SYCE1L: variants seen among roughly 807,000 people sequenced by gnomAD.
SYCE1L encodes the protein synaptonemal complex central element protein 1 like.
Under a neutral mutation model 39.6 loss-of-function variants are expected in SYCE1L, and 51 were observed. That is an observed-to-expected ratio of 1.29 (90% CI 1.03 to 1.63). SYCE1L has a LOEUF of 1.63. Among genes scored for constraint, SYCE1L ranks in the 40% most tolerant of loss-of-function variants. The probability of loss-of-function intolerance (pLI) is 0.00; values close to 1 mark genes in which losing one functional copy is unlikely to be tolerated. For missense variants in SYCE1L, 426 were observed against 304.9 expected, an observed-to-expected ratio of 1.40 and a Z score of -2.96; for synonymous variants, 147 against 122.4, an observed-to-expected ratio of 1.20 and a Z score of -1.33.
At chr16:77,208,146 G>A (rs947258923) in intron 2 of SYCE1L, 64 bp from the exon 3 acceptor site, 18 of 1,476,368 alleles carry the variant, frequency 1.2e-5, no homozygotes, top group South Asian at 2.5e-5. Context: ...GTGCTTCTCC[G>A]TCTGCCTTGG....
chr16:77,212,639 A>G lies in SYCE1L; in HGVS notation c.647A>G (p.Glu216Gly), dbSNP rs949648701. ...AGCGCCCCCGAGGTCGGGGCCGGCG[A>G]GGGAGAGGTAGGGAGCCCGAGGAAG... ...VRSAPEVGAG[E>G]GEAGPELPRA... Residue 216 changes from glutamate to glycine, a missense_variant, in exon 10 of 11, where the codon GAG becomes GGG. By Grantham distance (98) the Glu-to-Gly change is moderately conservative (BLOSUM62 -2). Coordinates refer to ENST00000378644, the MANE Select transcript of SYCE1L (RefSeq NM_001129979.3). 8.2e-5 allele frequency: 126 copies of G among 1,532,386 alleles called. No homozygotes were observed. Among genetic ancestry groups the G allele is most frequent in the Non-Finnish European group, 1.0e-4 (116 of 1,145,320 alleles). 94.9% of individuals were successfully genotyped at this position (1,532,386 alleles called of 1,614,324 possible).
chr16:77,203,795 A>T (rs996066388), intron 1 of SYCE1L, among the ~76,000 whole-genome samples: 1 of 152,016 alleles, frequency 6.6e-6, no homozygotes, highest in Non-Finnish European at 1.5e-5. Flanking sequence ...GGGTTTTGCC[A>T]CGTTGGCCAA....
intron 1 of SYCE1L, 72 bp from the exon 2 acceptor site, chr16:77,206,369 G>A: frequency 7.1e-7 from 1 of 1,400,700 alleles, no homozygotes; most frequent in Non-Finnish European, 9.9e-7. Context: ...AGCCCACTGG[G>A]ACTTCCTGCC....
At chr16:77,200,748 A>G (rs1305811278) in intron 1 of SYCE1L, 1 of 2,796 alleles carries the variant, frequency 3.6e-4, no homozygotes, top group African/African-American at 7.4e-4. Flanking sequence ...AGAGTGAGCA[A>G]AAAAAAAAAA....
rs1226702620 is a variant in SYCE1L, at chr16:77,212,865, T to C, written c.663T>C (p.Pro221=). Residue 221 remains proline (P), a synonymous_variant, in exon 11 of 11, where the codon CCT becomes CCC. Coordinates refer to ENST00000378644, the MANE Select transcript of SYCE1L (RefSeq NM_001129979.3). ...CACCCAGCCCCCGGCAGGCCGGACC[T>C]GAGCTCCCCCGCGCTCGCGACGAGG... is the stretch of plus-strand genomic sequence containing the variant. ...EVGAGEGEAG[P]ELPRARDEED... 1 of 1,516,404 alleles carries C rather than the reference T, an allele frequency of 6.6e-7. No individual in the cohort carries two copies. The highest frequency in any genetic ancestry group is 8.8e-7 in the Non-Finnish European group (1 of 1,134,114). 93.9% of individuals were successfully genotyped at this position (1,516,404 alleles called of 1,614,324 possible). A position where few individuals can be genotyped will look rare whatever the true frequency, so the allele number is the denominator to read the frequency against.
Position 77,212,882 on chromosome 16 carries a change from G to A in SYCE1L, c.680G>A (p.Arg227His). ...GEAGPELPRA[R>H]DEEDPEPPVA... ...GCCGGACCTGAGCTCCCCCGCGCTC[G>A]CGACGAGGAGGATCCCGAGCCGCCG... The change falls in exon 11 of 11, where the codon CGC becomes CAC. Residue 227 changes from arginine (R) to histidine (H), a missense_variant. By Grantham distance (29) the Arg-to-His change is conservative. Transcript: ENST00000378644. 1 of 1,523,986 alleles carries A rather than the reference G, an allele frequency of 6.6e-7. No individual in the cohort carries two copies. Among genetic ancestry groups the A allele is most frequent in the Non-Finnish European group, 8.8e-7 (1 of 1,137,896 alleles). The allele number at this position is 1,523,986 out of a possible 1,614,324, so 94.4% of individuals were successfully genotyped here. A position where few individuals can be genotyped will look rare whatever the true frequency, so the allele number is the denominator to read the frequency against.
At chr16:77,206,323 A>C in intron 1 of SYCE1L, 118 bp from the exon 2 acceptor site, 1 of 824,976 alleles carries the variant, frequency 1.2e-6, no homozygotes, top group Non-Finnish European at 1.9e-6. Flanking sequence ...CCTGTCTGTC[A>C]TTCCATCCTT....
Position 77,213,114 on chromosome 16 carries a change from C to G in SYCE1L, c.*183C>G, listed in dbSNP as rs1009932273. On this transcript the variant is annotated 3_prime_UTR_variant, in exon 11 of 11. Coordinates refer to ENST00000378644, the MANE Select transcript of SYCE1L (RefSeq NM_001129979.3). Reference sequence around the variant, plus strand: ...CCTCCCACCAGTCGAGCCCCGGGCGCCGTACAGAGGCTGGGTAAATGCTCC... The same window carrying G: ...CCTCCCACCAGTCGAGCCCCGGGCGGCGTACAGAGGCTGGGTAAATGCTCC... 1.1e-5 allele frequency: 6 copies of G among 537,720 alleles called. No homozygotes were observed. The highest frequency in any genetic ancestry group is 2.0e-5 in the African/African-American group (1 of 51,082). The allele number at this position is 537,720 out of a possible 1,614,324, so 33.3% of individuals were successfully genotyped here.
intron 6 of SYCE1L, among the ~76,000 whole-genome samples, chr16:77,210,017 C>T (rs2054811583): frequency 1.3e-5 from 2 of 152,192 alleles, no homozygotes; most frequent in South Asian, 4.1e-4. Context: ...GACATCTACC[C>T]TTCCTTTTAG....
Position 77,199,416 on chromosome 16 carries a change from T to G in SYCE1L, c.-36T>G, listed in dbSNP as rs1376277050. 4.5e-6 allele frequency: 7 copies of G among 1,549,330 alleles called. No individual in the cohort carries two copies. Among genetic ancestry groups the G allele is most frequent in the Admixed American group, 2.0e-5 (1 of 50,814 alleles). Reference sequence around the variant, plus strand: ...ACGTGGTTTCTTTTTTAACCAGTCATCAAGCGAGGCTCGCGCGCAGGCCCC... The same window carrying G: ...ACGTGGTTTCTTTTTTAACCAGTCAGCAAGCGAGGCTCGCGCGCAGGCCCC... On this transcript the variant is annotated 5_prime_UTR_variant, in exon 1 of 11. Transcript: ENST00000378644.
intron 1 of SYCE1L, among the ~76,000 whole-genome samples, chr16:77,203,292 C>G (rs1487828465): frequency 6.6e-6 from 1 of 152,046 alleles, no homozygotes; most frequent in African/African-American, 2.4e-5. Context: ...TGAGGGGAGA[C>G]TTTTCCTTTT....
chr16:77,211,122 T>A, intron 6 of SYCE1L, 91 bp from the exon 7 acceptor site: 5 of 1,388,526 alleles, frequency 3.6e-6, no homozygotes, highest in Non-Finnish European at 5.0e-6. Flanking sequence ...AGAGGGAGCA[T>A]GGGCAGGATC....
At chr16:77,203,050 G>C (rs370170080) in intron 1 of SYCE1L, among the ~76,000 whole-genome samples, 2 of 152,164 alleles carry the variant, frequency 1.3e-5, no homozygotes, top group Non-Finnish European at 2.9e-5. Context: ...CTTGTTCAAA[G>C]TGATTGTATC....
At chr16:77,205,433 A>AATATATATAT (rs145238524) in intron 1 of SYCE1L, among the ~76,000 whole-genome samples, 22 of 145,262 alleles carry the variant, frequency 1.5e-4, no homozygotes, top group African/African-American at 5.5e-4. Flanking sequence ...CATAGAAGTA[A>AATATATATAT]ATATATATAT....
At chr16:77,204,893 AAATT>A (rs2054774356) in intron 1 of SYCE1L, among the ~76,000 whole-genome samples, 1 of 151,850 alleles carries the variant, frequency 6.6e-6, no homozygotes, top group African/African-American at 2.4e-5. Context: ...AAAATACAAA[AAATT>A]AACCAGGTGA....
At chr16:77,209,004 C>T in intron 4 of SYCE1L, 93 bp from the exon 5 acceptor site, 1 of 1,380,144 alleles carries the variant, frequency 7.2e-7, no homozygotes, top group Non-Finnish European at 1.0e-6. Context: ...TAGGGCTGTA[C>T]TACACCTTCT....
chr16:77,211,147 T>G (rs1295519219), intron 6 of SYCE1L, 66 bp from the exon 7 acceptor site: 3 of 1,523,868 alleles, frequency 2.0e-6, no homozygotes, highest in African/African-American at 1.4e-5. Flanking sequence ...GGCCTGTGCA[T>G]GAGGAGCCCC....
chr16:77,212,306 G>C lies in SYCE1L; in HGVS notation c.518G>C (p.Arg173Pro), dbSNP rs936503255. ...GGGAGGCTGGTGCGCGCCAAGCTGC[G>C]GGAGGTGGAGCGGCGGCTGCACTCG... Reference protein sequence around the residue: ...SERRLVRAKLREVERRLHSPP... With the variant: ...SERRLVRAKLPEVERRLHSPP... The change falls in exon 9 of 11, where the codon CGG becomes CCG. Residue 173 changes from arginine to proline, a missense_variant. Physicochemically the swap from Arg to Pro is moderately radical, Grantham distance 103. Coordinates refer to ENST00000378644, the MANE Select transcript of SYCE1L (RefSeq NM_001129979.3). The C allele has an allele frequency of 2.0e-6, 3 of 1,524,852 alleles. No homozygotes were observed. Among genetic ancestry groups the C allele is most frequent in the Non-Finnish European group, 2.6e-6 (3 of 1,137,406 alleles). The allele number at this position is 1,524,852 out of a possible 1,614,324, so 94.5% of individuals were successfully genotyped here. A position where few individuals can be genotyped will look rare whatever the true frequency, so the allele number is the denominator to read the frequency against.
chr16:77,212,457 C>G, intron 9 of SYCE1L, 88 bp downstream of exon 9: 3 of 1,537,962 alleles, frequency 2.0e-6, no homozygotes, highest in Non-Finnish European at 2.6e-6. Flanking sequence ...CCCCGACTGC[C>G]GCTTCCCCGG....
Sources: allele counts gnomAD v4.1 joint callset (sites outside exome capture counted in the v4.1 genomes callset), GRCh38; gene constraint gnomAD v4.1.1; transcripts MANE v1.5; gene names NCBI Gene and HGNC (gene_info 2026-07-23, HGNC 2026-07-21).